CAPN7: variants seen among roughly 807,000 people sequenced by gnomAD.
The protein encoded by CAPN7 is calpain 7, also known as calpain-7.
In CAPN7, 72 loss-of-function variants were observed where a neutral mutation model predicts 115.2. The ratio of observed to expected loss-of-function variants is 0.63; its 90% CI spans 0.52 to 0.76. The LOEUF (loss-of-function observed/expected upper bound fraction) is 0.76. Ranked by LOEUF, CAPN7 falls within the 30% of genes least tolerant of loss-of-function variation. The pLI, the probability that CAPN7 is intolerant of heterozygous loss-of-function variation, is 0.00. For missense variants in CAPN7, 905 were observed against 971.5 expected, an observed-to-expected ratio of 0.93 and a Z score of 0.91; for synonymous variants, 344 against 322.3, an observed-to-expected ratio of 1.07 and a Z score of -0.72.
Position 15,212,273 on chromosome 3 carries a change from C to T in CAPN7, c.211+61C>T, listed in dbSNP as rs1317217467. ...TTTCTTTTCTCCCATCATGTCTTTC[C>T]CCCATGTTTGTTTCTCTTCTTCATT... On this transcript the variant is annotated intron_variant, in intron 2 of 20. Transcript: ENST00000253693. 3.4e-6 allele frequency: 3 copies of T among 885,834 alleles called. No individual in the cohort carries two copies. In the African/African-American group the frequency reaches 5.1e-5, roughly 15 times the overall value. 54.9% of individuals were successfully genotyped at this position (885,834 alleles called of 1,614,324 possible).
chr3:15,211,136 C>T (rs977382120), intron 1 of CAPN7, among the ~76,000 whole-genome samples: 1 of 152,072 alleles, frequency 6.6e-6, no homozygotes, highest in Non-Finnish European at 1.5e-5. Context: ...AATGTGTCAT[C>T]CTTTGTCAGT....
chr3:15,241,420 A>ATAAT (rs1695341056), intron 14 of CAPN7, 33 bp from the exon 15 acceptor site: 1 of 1,601,484 alleles, frequency 6.2e-7, no homozygotes, highest in African/African-American at 1.3e-5. Context: ...GAGAAATTTA[A>ATAAT]TTACAACCTT....
At chr3:15,239,499 T>C (rs1480264259) in intron 12 of CAPN7, among the ~76,000 whole-genome samples, 1 of 152,206 alleles carries the variant, frequency 6.6e-6, no homozygotes, top group African/African-American at 2.4e-5. Context: ...GGGATGATAG[T>C]GTTACCATTT....
At chr3:15,216,226 C>T (rs1321975302) in intron 2 of CAPN7, among the ~76,000 whole-genome samples, 3 of 152,224 alleles carry the variant, frequency 2.0e-5, no homozygotes, top group Admixed American at 6.5e-5. Flanking sequence ...AAATTGTTTT[C>T]CAGAGTGGCT....
intron 19 of CAPN7, among the ~76,000 whole-genome samples, chr3:15,250,679 A>G (rs920078076): frequency 1.2e-4 from 19 of 152,334 alleles, no homozygotes; most frequent in African/African-American, 4.6e-4. Context: ...CTCAAAAAAA[A>G]TAAAATATTT....
At position 15,227,858 on chromosome 3, in the gene CAPN7, C is replaced by G. The variant is rs774236908; in HGVS notation, c.745C>G (p.Pro249Ala). 3.9e-6 allele frequency: 6 copies of G among 1,535,876 alleles called. No homozygotes were observed. The highest frequency in any genetic ancestry group is 5.3e-6 in the Non-Finnish European group (6 of 1,140,328). The change falls in exon 7 of 21, where the codon CCA (proline) becomes GCA (alanine). Residue 249 changes from proline to alanine, a missense_variant. This residue lies in a region of CAPN7 where 620 missense variants were observed against 703.4 expected (regional missense o/e 0.88). Coordinates refer to ENST00000253693, the MANE Select transcript of CAPN7 (RefSeq NM_014296.3). ...MPFCDRWGKLPLSPKQKTTFS... is the reference protein window; with the variant it reads ...MPFCDRWGKLALSPKQKTTFS... ...CCTCAGTGATAGATGGGGCAAGCTA[C>G]CATTATCACCTAAACAAAAAACTAC...
In CAPN7 at chr3:15,242,199, G is replaced by GA; in HGVS notation, c.1812dup (p.Phe605IlefsTer10). ...TTAGGATGATTTTGCGAATAATCGAGAATTTATCACAATGGTTGTATACAA... is the reference window on the plus strand; with the variant it reads ...TTAGGATGATTTTGCGAATAATCGAGAAATTTATCACAATGGTTGTATACAA... On this transcript the variant is annotated frameshift_variant, in exon 16 of 21. Transcript: ENST00000253693. LOFTEE classifies it high-confidence loss of function. The GA allele has an allele frequency of 6.2e-7, 1 of 1,603,082 alleles. No individual in the cohort carries two copies. Among genetic ancestry groups the GA allele is most frequent in the Non-Finnish European group, 8.5e-7 (1 of 1,177,048 alleles).
At chr3:15,238,108 CTTTTTTTTTTT>C (rs34203410) in intron 12 of CAPN7, among the ~76,000 whole-genome samples, 2 of 58,202 alleles carry the variant, frequency 3.4e-5, no homozygotes, top group African/African-American at 1.5e-4. Context: ...ATTCTGACTT[CTTTTTTTTTTT>C]TTTTTTTTTT....
intron 19 of CAPN7, among the ~76,000 whole-genome samples, chr3:15,248,733 C>A (rs1033656850): frequency 6.6e-6 from 1 of 152,040 alleles, no homozygotes; most frequent in African/African-American, 2.4e-5. Flanking sequence ...TGGCTAACAC[C>A]TGTAATCCCA....
intron 6 of CAPN7, among the ~76,000 whole-genome samples, chr3:15,226,826 T>C (rs542503499): frequency 2.6e-5 from 4 of 152,140 alleles, no homozygotes; most frequent in African/African-American, 9.7e-5. Context: ...CAAAATCCTC[T>C]CTTCTCCCAG....
intron 1 of CAPN7, among the ~76,000 whole-genome samples, chr3:15,207,870 A>G (rs1272932279): frequency 6.6e-6 from 1 of 152,144 alleles, no homozygotes; most frequent in African/African-American, 2.4e-5. Context: ...TTTTTTTATA[A>G]AAGGAGTATA....
intron 2 of CAPN7, among the ~76,000 whole-genome samples, chr3:15,215,347 C>A (rs1374173652): frequency 6.6e-6 from 1 of 152,206 alleles, no homozygotes; most frequent in South Asian, 2.1e-4. Flanking sequence ...TAGCGAGATA[C>A]AATTTCCATA....
chr3:15,234,155 A>C (rs1211615888), intron 11 of CAPN7, among the ~76,000 whole-genome samples, 182 bp downstream of exon 11: 1 of 152,126 alleles, frequency 6.6e-6, no homozygotes, highest in Non-Finnish European at 1.5e-5. Context: ...CATCTCTACT[A>C]AAAATACAAA....
intron 1 of CAPN7, among the ~76,000 whole-genome samples, chr3:15,209,079 C>T (rs952431151): frequency 3.9e-5 from 6 of 151,994 alleles, no homozygotes; most frequent in African/African-American, 1.5e-4. Flanking sequence ...AGCACAATCT[C>T]GACTCGCTGC....
At chr3:15,212,242 C>T (rs772015323) in intron 2 of CAPN7, 30 bp downstream of exon 2, 1 of 1,265,886 alleles carries the variant, frequency 7.9e-7, no homozygotes, top group Non-Finnish European at 1.1e-6. Context: ...ACTTGTCACT[C>T]TATTTTTTCT....
Position 15,245,580 on chromosome 3 carries a change from C to CT in CAPN7, c.1920dup (p.Lys641Ter). On this transcript the variant is annotated frameshift_variant, in exon 17 of 21. Coordinates refer to ENST00000253693, the MANE Select transcript of CAPN7 (RefSeq NM_014296.3). LOFTEE classifies it high-confidence loss of function. The stretch of plus-strand genomic sequence containing the variant: ...CGAATTAACAGCCCTCATTATTTGA[C>CT]TAAGATAAAGCTGACCACACCTGGC... 1 of 1,613,906 alleles carries CT rather than the reference C, an allele frequency of 6.2e-7. No homozygotes were observed. The highest frequency in any genetic ancestry group is 8.5e-7 in the Non-Finnish European group (1 of 1,179,890).
Position 15,240,778 on chromosome 3 carries a change from A to G in CAPN7, c.1577A>G (p.Asp526Gly). 6.2e-7 allele frequency: 1 copy of G among 1,611,044 alleles called. No homozygotes were observed. The change falls in exon 14 of 21, where the codon GAT (aspartate) becomes GGT (glycine). Residue 526 changes from aspartate to glycine, a missense_variant. By Grantham distance (94) the Asp-to-Gly change is moderately conservative (BLOSUM62 -1). Coordinates refer to ENST00000253693, the MANE Select transcript of CAPN7 (RefSeq NM_014296.3). Reference protein sequence around the residue: ...DNGIFWISWDDLCQYYDVIYL... With the variant: ...DNGIFWISWDGLCQYYDVIYL... ...GGAATATTTTGGATTTCCTGGGATGATCTCTGCCAGTATTATGATGTGATT... is the reference window on the plus strand; with the variant it reads ...GGAATATTTTGGATTTCCTGGGATGGTCTCTGCCAGTATTATGATGTGATT...
intron 6 of CAPN7, among the ~76,000 whole-genome samples, chr3:15,225,563 G>A (rs1438843243): frequency 6.6e-6 from 1 of 152,156 alleles, no homozygotes; most frequent in African/African-American, 2.4e-5. Context: ...AATATAATTG[G>A]AAAAGTAAAA....
intron 11 of CAPN7, 33 bp from the exon 12 acceptor site, chr3:15,234,992 A>T: frequency 6.3e-7 from 1 of 1,580,904 alleles, no homozygotes; most frequent in Non-Finnish European, 8.6e-7. Flanking sequence ...AATGTGTTTT[A>T]CTTTAATTAA....
Sources: gnomAD v4.1 joint callset for allele counts (sites outside exome capture counted in the v4.1 genomes callset) on GRCh38, gnomAD v4.1.1 for gene constraint, gnomAD v4.1.1 regional missense constraint, MANE v1.5 for transcripts, NCBI Gene and HGNC (gene_info 2026-07-23, HGNC 2026-07-21) for gene names.